OLR1: variants seen among roughly 807,000 people sequenced by gnomAD.
The protein encoded by OLR1 is oxidized low-density lipoprotein receptor 1.
In OLR1, 23 loss-of-function variants were observed where a neutral mutation model predicts 31.7. The observed-to-expected ratio is 0.72, with a 90% CI of 0.52 to 1.03. The LOEUF is 1.03. OLR1 is among the 50% of genes least tolerant of loss of function. The pLI is 0.00. For synonymous variants in OLR1, 117 were observed against 115.8 expected (o/e 1.01, Z -0.07); for missense variants, 286 against 315.7 (o/e 0.91, Z 0.71).
At chr12:10,166,674 C>T (rs748120645) in intron 3 of OLR1, 38 bp downstream of exon 3, 1 of 1,610,654 alleles carries the variant, frequency 6.2e-7, no homozygotes, top group Admixed American at 1.7e-5. Flanking sequence ...GGACAGAAAG[C>T]TTCCACTATG....
chr12:10,163,324 T>G (rs1948635193), intron 3 of OLR1, among the ~76,000 whole-genome samples: 1 of 152,116 alleles, frequency 6.6e-6, no homozygotes, highest in Non-Finnish European at 1.5e-5. Context: ...TCGAGACATT[T>G]TGATACAGAA....
Position 10,160,961 on chromosome 12 carries a change from T to C in OLR1, c.425-36A>G, listed in dbSNP as rs750008035. 5 of 1,600,140 alleles carry C rather than the reference T, an allele frequency of 3.1e-6. No individual in the cohort carries two copies. In the South Asian group the frequency reaches 4.4e-5, roughly 14 times the overall value. ...TAGTATATCTCATCAGTCAGTTATG[T>C]TTGTGTAAAAGCAGTACTGCAGTTC... On this transcript the variant is annotated intron_variant, in intron 3 of 5. Coordinates refer to ENST00000309539, the MANE Select transcript of OLR1 (RefSeq NM_002543.4).
upstream of OLR1, among the ~76,000 whole-genome samples, chr12:10,173,480 G>A (rs1285183235): frequency 6.6e-6 from 1 of 151,720 alleles, no homozygotes; most frequent in African/African-American, 2.4e-5. Flanking sequence ...GAGTATTTGA[G>A]AACAAATTGA....
At chr12:10,161,923 TGA>T (rs1948622982) in intron 3 of OLR1, among the ~76,000 whole-genome samples, 2 of 40,568 alleles carry the variant, frequency 4.9e-5, no homozygotes, top group Non-Finnish European at 4.5e-5. Context: ...GAAATTTTAA[TGA>T]TATATATATA....
At chr12:10,162,384 G>T (rs1466023050) in intron 3 of OLR1, among the ~76,000 whole-genome samples, 1 of 152,166 alleles carries the variant, frequency 6.6e-6, no homozygotes, top group Non-Finnish European at 1.5e-5. Flanking sequence ...ACAGAAAAAA[G>T]TGAATGAGAA....
At chr12:10,169,866 G>GA (rs34193463) in intron 1 of OLR1, among the ~76,000 whole-genome samples, 4,514 of 146,214 alleles carry the variant, frequency 0.031, 117 homozygotes, top group Middle Eastern at 0.11. Context: ...TCACCATTTT[G>GA]AAAAAAAAAT....
chr12:10,163,907 G>A (rs1948640296), intron 3 of OLR1, among the ~76,000 whole-genome samples: 1 of 151,988 alleles, frequency 6.6e-6, no homozygotes, highest in Non-Finnish European at 1.5e-5. Context: ...CTCTAGCCTG[G>A]GTGACAGAGC....
Position 10,167,105 on chromosome 12 carries a change from T to C in OLR1, c.179-148A>G, listed in dbSNP as rs1948669616. The C allele has an allele frequency of 4.2e-6, 3 of 708,890 alleles. No individual in the cohort carries two copies. In the East Asian group the frequency reaches 8.1e-5, roughly 19 times the overall value. 43.9% of individuals were successfully genotyped at this position (708,890 alleles called of 1,614,324 possible). ...CCCAGATTTACTCAGAAGTTACAGA[T>C]TTGGAGGTTCTTGAATATTCCTGCA... On this transcript the variant is annotated intron_variant, in intron 2 of 5. Coordinates refer to ENST00000309539, the MANE Select transcript of OLR1 (RefSeq NM_002543.4).
upstream of OLR1, among the ~76,000 whole-genome samples, chr12:10,173,175 T>C (rs1948737620): frequency 6.6e-6 from 1 of 152,222 alleles, no homozygotes; most frequent in Admixed American, 6.5e-5. Context: ...ATGTATTTAC[T>C]GATAGAATAC....
At chr12:10,169,233 C>T (rs894468340) in intron 1 of OLR1, 58 bp from the exon 2 acceptor site, 15 of 1,245,222 alleles carry the variant, frequency 1.2e-5, no homozygotes, top group Non-Finnish European at 1.6e-5. Flanking sequence ...GTAAGCAAAC[C>T]ATTCCTTGGA....
chr12:10,166,654 A>G (rs898483699), intron 3 of OLR1, 58 bp downstream of exon 3: 12 of 1,597,464 alleles, frequency 7.5e-6, no homozygotes, highest in Non-Finnish European at 8.6e-6. Flanking sequence ...TCCAAAAAAT[A>G]GTTATGATTG....
chr12:10,161,946 A>ATATAT (rs35023147), intron 3 of OLR1, among the ~76,000 whole-genome samples: 1,093 of 82,090 alleles, frequency 0.013, 6 homozygotes, highest in African/African-American at 0.022. Context: ...TATATATATA[A>ATATAT]AAAACACATA....
At position 10,168,960 on chromosome 12, in the gene OLR1, T is replaced by A. The variant is rs1948685765; in HGVS notation, c.178+114A>T. ...TTAAAAACATTTTGCCTAAAATGAA[T>A]CTATATCAAGGCTGTTTGTAGTTGT... On this transcript the variant is annotated intron_variant, in intron 2 of 5. Transcript: ENST00000309539. The A allele has an allele frequency of 2.5e-5, 15 of 609,230 alleles. 1 individual carries two copies. In the Admixed American group the frequency reaches 4.7e-4, roughly 19 times the overall value. The allele number at this position is 609,230 out of a possible 1,614,324, so 37.7% of individuals were successfully genotyped here.
At chr12:10,163,583 CTT>C (rs58760994) in intron 3 of OLR1, among the ~76,000 whole-genome samples, 66,365 of 147,664 alleles carry the variant, frequency 0.45, 16,463 homozygotes, top group Middle Eastern at 0.59. Flanking sequence ...AAAAACTTGG[CTT>C]TTTTTTTTTT....
intron 5 of OLR1, 88 bp downstream of exon 5, chr12:10,160,259 G>T (rs1948608819): frequency 6.5e-6 from 7 of 1,070,460 alleles, no homozygotes; most frequent in African/African-American, 1.6e-5. Flanking sequence ...AGAGGACATT[G>T]GTGGGATGCA....
intron 3 of OLR1, among the ~76,000 whole-genome samples, chr12:10,161,789 A>T (rs1452456940): frequency 6.6e-6 from 1 of 152,102 alleles, no homozygotes; most frequent in African/African-American, 2.4e-5. Flanking sequence ...AGAATGTAAA[A>T]TAGTCCATTA....
chr12:10,161,119 C>T (rs1334544049), intron 3 of OLR1, among the ~76,000 whole-genome samples, 194 bp from the exon 4 acceptor site: 1 of 152,012 alleles, frequency 6.6e-6, no homozygotes, highest in Non-Finnish European at 1.5e-5. Context: ...GGACTATAGT[C>T]GTGAGACACC....
At chr12:10,168,873 T>C (rs1467156767) in intron 2 of OLR1, among the ~76,000 whole-genome samples, 2 of 152,234 alleles carry the variant, frequency 1.3e-5, no homozygotes, top group Non-Finnish European at 2.9e-5. Context: ...ATTGTAATTT[T>C]TATTTCATGG....
chr12:10,172,024 C>G lies in OLR1; in HGVS notation c.54G>C (p.Lys18Asn), dbSNP rs1948725505. ...TACCTTTAGCTTTTTTTCCATTTGA[C>G]TTCTCATCAGGCTGGTCCTTCACAG... ...IQTVKDQPDE[K>N]SNGKKAKGLQ... Residue 18 changes from lysine (K) to asparagine (N), a missense_variant, in exon 1 of 6, where the codon AAG (lysine) becomes AAC (asparagine). Lys to Asn is a moderately conservative substitution (Grantham distance 94). Coordinates refer to ENST00000309539, the MANE Select transcript of OLR1 (RefSeq NM_002543.4). The G allele has an allele frequency of 6.2e-7, 1 of 1,613,760 alleles. No homozygotes were observed. Among genetic ancestry groups the G allele is most frequent in the Non-Finnish European group, 8.5e-7 (1 of 1,179,762 alleles).
Sources: allele counts gnomAD v4.1 joint callset (sites outside exome capture counted in the v4.1 genomes callset), GRCh38; gene constraint gnomAD v4.1.1; transcripts MANE v1.5; gene names NCBI Gene and HGNC (gene_info 2026-07-23, HGNC 2026-07-21).